Variants in BACH2 observed in about 807,000 individuals in gnomAD.
BACH2 encodes the protein transcription regulator protein BACH2.
Under a neutral mutation model 61.8 loss-of-function variants are expected in BACH2, and 5 were observed. The ratio of observed to expected loss-of-function variants is 0.08; its 90% CI spans 0.04 to 0.17. The LOEUF (loss-of-function observed/expected upper bound fraction) is 0.17, where lower values mean the gene tolerates loss of function less well. Among genes scored for constraint, BACH2 ranks in the 10% least tolerant of loss-of-function variants. The pLI is 1.00. For missense variants in BACH2, 824 were observed against 1,091.1 expected (o/e 0.76, Z 3.45); for synonymous variants, 446 against 440.1 (o/e 1.01, Z -0.17).
chr6:90,093,935 C>G (rs77937014), intron 4 of BACH2, among the ~76,000 whole-genome samples: 1 of 152,070 alleles, frequency 6.6e-6, no homozygotes, highest in Non-Finnish European at 1.5e-5. Flanking sequence ...TTCATTTCTT[C>G]GTATTTACTG....
rs1772584361 is a variant in BACH2 at position 89,930,530 on chromosome 6, G to A, written c.*1878C>T. On this transcript the variant is annotated 3_prime_UTR_variant, in exon 9 of 9. Transcript: ENST00000257749. ...CAGGACTCTCTTCCCCAGCCGGGCTGGAGTGGCCCTCGGGCTGCTCAGTGA... is the reference window on the plus strand; with the variant it reads ...CAGGACTCTCTTCCCCAGCCGGGCTAGAGTGGCCCTCGGGCTGCTCAGTGA... The A allele has an allele frequency of 6.5e-6, 1 of 152,772 alleles. No individual in the cohort carries two copies. The highest frequency in any genetic ancestry group is 6.5e-5 in the Admixed American group (1 of 15,284). The allele number at this position is 152,772 out of a possible 1,614,324, so 9.5% of individuals were successfully genotyped here. A position where few individuals can be genotyped will look rare whatever the true frequency, so the allele number is the denominator to read the frequency against.
intron 5 of BACH2, 147 bp from the exon 6 acceptor site, chr6:90,009,003 A>G (rs1313322669): frequency 5.1e-6 from 5 of 985,022 alleles, no homozygotes; most frequent in Admixed American, 2.8e-5. Context: ...ATTACCAATC[A>G]GCATATTTGT....
rs187514398 is a variant in BACH2, at chr6:90,266,882, C to A, written c.-353+4967G>T. Among the ~76,000 whole-genome samples the A allele has an allele frequency of 4.5e-4, 69 of 152,216 alleles. 1 individual carries two copies. The East Asian group carries it at 0.013, about 29-fold the overall frequency. ...GTACTATATGCCACTGAATTGTACA[C>A]TTGAGGAGGGTTAATTCTATATGAA... is the stretch of plus-strand genomic sequence containing the variant. On this transcript the variant is annotated intron_variant, in intron 2 of 8. Coordinates refer to ENST00000257749, the MANE Select transcript of BACH2 (RefSeq NM_021813.4).
At chr6:90,104,342 G>A (rs1414380229) in intron 4 of BACH2, 2 of 152,240 alleles carry the variant, frequency 1.3e-5, no homozygotes, top group African/African-American at 4.8e-5. Flanking sequence ...AACCTCAACA[G>A]TGAGGCTGCT....
chr6:90,127,244 A>T (rs1192791806), intron 4 of BACH2, among the ~76,000 whole-genome samples: 4 of 151,764 alleles, frequency 2.6e-5, no homozygotes, highest in Non-Finnish European at 4.4e-5. Flanking sequence ...TGAGATTGTA[A>T]ATGCCACCCT....
intron 4 of BACH2, among the ~76,000 whole-genome samples, chr6:90,123,716 G>C (rs979644767): frequency 7.5e-6 from 1 of 132,614 alleles, no homozygotes; most frequent in Non-Finnish European, 1.5e-5. Flanking sequence ...CTTGCAGTGA[G>C]CCGAGATCCC....
chr6:90,272,306 GTTTCT>G (rs889098586), intron 1 of BACH2, among the ~76,000 whole-genome samples: 1 of 151,250 alleles, frequency 6.6e-6, no homozygotes, highest in African/African-American at 2.4e-5. Context: ...TGCTTCGCCT[GTTTCT>G]TTTATGGTTT....
chr6:89,934,571 A>C lies in BACH2; in HGVS notation c.2044-1681T>G, dbSNP rs144671866. Among the ~76,000 whole-genome samples the C allele has an allele frequency of 2.7e-3, 414 of 152,188 alleles. 1 individual carries two copies. Among genetic ancestry groups the C allele is most frequent in the African/African-American group, 9.4e-3 (392 of 41,522 alleles). ...CTACTTAGGCGGCTGGGACATGAGAATTGCTTGAATCCGGGAGGTGGAGGT... is the reference window on the plus strand; with the variant it reads ...CTACTTAGGCGGCTGGGACATGAGACTTGCTTGAATCCGGGAGGTGGAGGT... On this transcript the variant is annotated intron_variant, in intron 8 of 8. Transcript: ENST00000257749.
intron 5 of BACH2, among the ~76,000 whole-genome samples, chr6:90,072,061 A>T (rs909882021): frequency 6.6e-6 from 1 of 152,156 alleles, no homozygotes; most frequent in East Asian, 1.9e-4. Flanking sequence ...TGTAACTTCT[A>T]TCGAGAAAAA....
chr6:90,181,450 G>A (rs1182790529), intron 4 of BACH2, among the ~76,000 whole-genome samples: 2 of 151,782 alleles, frequency 1.3e-5, no homozygotes, highest in Non-Finnish European at 2.9e-5. Context: ...AGACAAAAGA[G>A]GAAAAGTTGT....
intron 4 of BACH2, among the ~76,000 whole-genome samples, chr6:90,168,601 A>G (rs773739485): frequency 5.9e-5 from 9 of 152,186 alleles, no homozygotes; most frequent in Non-Finnish European, 1.0e-4. Context: ...TTAGAGTCTC[A>G]GTAATTTTTC....
intron 4 of BACH2, among the ~76,000 whole-genome samples, chr6:90,136,402 A>C (rs2127825190): frequency 6.6e-6 from 1 of 152,344 alleles, no homozygotes; most frequent in Admixed American, 6.5e-5. Flanking sequence ...TCTCTGACAA[A>C]TCATTTAAGT....
intron 5 of BACH2, among the ~76,000 whole-genome samples, chr6:90,069,853 C>G (rs557986293): frequency 1.1e-4 from 17 of 152,216 alleles, no homozygotes; most frequent in African/African-American, 3.9e-4. Flanking sequence ...GAGAAGAAGA[C>G]TCCATGCTAA....
chr6:90,296,317 G>A (rs1373072711), intron 1 of BACH2, among the ~76,000 whole-genome samples, 163 bp downstream of exon 1: 1 of 151,330 alleles, frequency 6.6e-6, no homozygotes. Flanking sequence ...CCATAAAAGC[G>A]GGCAGGGCGC....
intron 5 of BACH2, among the ~76,000 whole-genome samples, chr6:90,017,373 C>T (rs1490096811): frequency 6.6e-6 from 1 of 152,048 alleles, no homozygotes; most frequent in Non-Finnish European, 1.5e-5. Context: ...GTGTGTGCCA[C>T]CATACCCAGC....
chr6:89,951,550 G>T lies in BACH2; in HGVS notation c.556C>A (p.Leu186Ile). The T allele has an allele frequency of 6.2e-7, 1 of 1,614,194 alleles. No homozygotes were observed. Among genetic ancestry groups the T allele is most frequent in the Non-Finnish European group, 8.5e-7 (1 of 1,180,038 alleles). Residue 186 changes from leucine to isoleucine, a missense_variant, in exon 7 of 9, where the codon CTT (leucine) becomes ATT (isoleucine). Leu to Ile is a conservative substitution (Grantham distance 5, BLOSUM62 2). Around this residue, in one of 8 missense-constraint regions of BACH2, gnomAD observed 107 missense variants for 121.7 expected, o/e 0.88. Coordinates refer to ENST00000257749, the MANE Select transcript of BACH2 (RefSeq NM_021813.4). This position sits in a 1 kb window ranked among gnomAD's most constrained non-coding sequence, Gnocchi z 6.4. The part of the protein sequence containing the change: ...AKMACPRDQM[L>I]PEPISFEAAA... ...GCCTCAAAGCTGATGGGCTCTGGAA[G>T]CATCTGGTCCCTGGGGCAAGCCATC...
At chr6:90,106,513 C>T (rs1782922480) in intron 4 of BACH2, among the ~76,000 whole-genome samples, 1 of 152,176 alleles carries the variant, frequency 6.6e-6, no homozygotes, top group Admixed American at 6.5e-5. Flanking sequence ...ACCATACAGC[C>T]TAGCTGTGCA....
chr6:89,952,745 T>C (rs1293700135), intron 6 of BACH2, among the ~76,000 whole-genome samples: 1 of 152,216 alleles, frequency 6.6e-6, no homozygotes, highest in African/African-American at 2.4e-5. Flanking sequence ...TTTACAAAGA[T>C]TGAAAGTGTG....
At chr6:90,142,951 A>G (rs1363689876) in intron 4 of BACH2, among the ~76,000 whole-genome samples, 1 of 152,204 alleles carries the variant, frequency 6.6e-6, no homozygotes, top group Non-Finnish European at 1.5e-5. Flanking sequence ...ATTCCAGCTA[A>G]AAAGAATTCC....
Sources: allele counts gnomAD v4.1 joint callset (sites outside exome capture counted in the v4.1 genomes callset), GRCh38; gene constraint gnomAD v4.1.1; regional missense constraint gnomAD v4.1.1; non-coding constraint Gnocchi (gnomAD v3.1); transcripts MANE v1.5; gene names NCBI Gene and HGNC (gene_info 2026-07-23, HGNC 2026-07-21).